CAAP1: variants seen among roughly 807,000 people sequenced by gnomAD.
CAAP1 encodes the protein conserved anti-apoptotic protein.
CAAP1 carries 20 observed loss-of-function variants against 34.0 expected under a neutral mutation model. That is an observed-to-expected ratio of 0.59 (90% CI 0.41 to 0.86). The LOEUF is 0.86. Among genes scored for constraint, CAAP1 ranks in the 40% least tolerant of loss-of-function variants. CAAP1 has a pLI of 0.00. For missense variants in CAAP1, 538 were observed against 450.5 expected (o/e 1.19, Z -1.76); for synonymous variants, 213 against 166.7 (o/e 1.28, Z -2.14).
At chr9:26,886,926 T>C (rs571637426) in intron 2 of CAAP1, among the ~76,000 whole-genome samples, 2 of 152,244 alleles carry the variant, frequency 1.3e-5, no homozygotes, top group South Asian at 4.1e-4. Context: ...AATTAAAAAC[T>C]GCATTAACGC....
In CAAP1 at chr9:26,892,185, A is replaced by T. The variant is rs191265248; in HGVS notation, c.303+228T>A. 5,836 of 1,116,048 alleles carry T rather than the reference A, an allele frequency of 5.2e-3. 173 individuals carry two copies. The African/African-American group carries it at 0.074, about 14-fold the overall frequency. 69.1% of individuals were successfully genotyped at this position (1,116,048 alleles called of 1,614,324 possible). A position where few individuals can be genotyped will look rare whatever the true frequency, so the allele number is the denominator to read the frequency against. ...GAGCCAAGAGTTTAAAAAATAAATT[A>T]AAAAAAAAGTGATCAGGAAATCCAG... On this transcript the variant is annotated intron_variant, in intron 1 of 5. Coordinates refer to ENST00000333916, the MANE Select transcript of CAAP1 (RefSeq NM_024828.4).
chr9:26,847,896 C>T (rs1459791448), intron 5 of CAAP1, among the ~76,000 whole-genome samples: 1 of 151,982 alleles, frequency 6.6e-6, no homozygotes, highest in Non-Finnish European at 1.5e-5. Flanking sequence ...CCTCTTCTGT[C>T]ACTTCAGTGG....
intron 4 of CAAP1, among the ~76,000 whole-genome samples, chr9:26,881,483 T>C (rs1366924447): frequency 6.6e-6 from 1 of 152,166 alleles, no homozygotes; most frequent in Non-Finnish European, 1.5e-5. Flanking sequence ...CAAGATCTGA[T>C]GGTTTTATAA....
At position 26,847,198 on chromosome 9, in the gene CAAP1, A is replaced by ATTTTTTTTTTTTTTTTT. The variant is rs1171628621; in HGVS notation, c.740-4568_740-4552dup. On this transcript the variant is annotated intron_variant, in intron 5 of 5. Coordinates refer to ENST00000333916, the MANE Select transcript of CAAP1 (RefSeq NM_024828.4). ...TTTTTACTAGTAAGTAAAAAGCAAT[A>ATTTTTTTTTTTTTTTTT]TTTTTTTTTTTTTTTTTTTTTTTTT... Among the ~76,000 whole-genome samples, 33 of 34,750 alleles carry ATTTTTTTTTTTTTTTTT rather than the reference A, an allele frequency of 9.5e-4. 12 individuals are homozygous for ATTTTTTTTTTTTTTTTT. Among genetic ancestry groups the ATTTTTTTTTTTTTTTTT allele is most frequent in the Non-Finnish European group, 1.3e-3 (27 of 20,062 alleles). The allele number at this position is 34,750 out of a possible 152,430, so 22.8% of individuals were successfully genotyped here. A position where few individuals can be genotyped will look rare whatever the true frequency, so the allele number is the denominator to read the frequency against.
intron 5 of CAAP1, among the ~76,000 whole-genome samples, chr9:26,856,128 A>AGG (rs11373747): frequency 0.011 from 1,640 of 145,946 alleles, 21 homozygotes; most frequent in African/African-American, 0.027. Flanking sequence ...TTTTTTTAAA[A>AGG]GGGGGGGGGT....
At chr9:26,864,637 T>C (rs1258206382) in intron 4 of CAAP1, among the ~76,000 whole-genome samples, 1 of 152,204 alleles carries the variant, frequency 6.6e-6, no homozygotes, top group African/African-American at 2.4e-5. Flanking sequence ...TGAATAGGCA[T>C]TTTCCTAAAT....
At chr9:26,874,273 A>G (rs12343057) in intron 4 of CAAP1, among the ~76,000 whole-genome samples, 6,310 of 150,630 alleles carry the variant, frequency 0.042, 456 homozygotes, top group African/African-American at 0.15. Flanking sequence ...TTATTTATGG[A>G]GTATATGTGA....
chr9:26,874,131 C>T (rs928343509), intron 4 of CAAP1, among the ~76,000 whole-genome samples: 2 of 142,828 alleles, frequency 1.4e-5, no homozygotes, highest in Non-Finnish European at 3.0e-5. Context: ...GGCGTGAACC[C>T]GGGAGGTGGA....
intron 2 of CAAP1, 38 bp from the exon 3 acceptor site, chr9:26,886,226 A>G (rs919467995): frequency 3.8e-6 from 4 of 1,061,476 alleles, no homozygotes; most frequent in Non-Finnish European, 5.2e-6. Flanking sequence ...GCATTTATGT[A>G]ACACAGCCCC....
chr9:26,884,203 T>C (rs985574559), intron 4 of CAAP1, among the ~76,000 whole-genome samples: 1 of 152,182 alleles, frequency 6.6e-6, no homozygotes, highest in African/African-American at 2.4e-5. Context: ...ATAGCATCAA[T>C]AGATGCTCAA....
intron 5 of CAAP1, among the ~76,000 whole-genome samples, chr9:26,853,199 G>T (rs1241388378): frequency 1.3e-5 from 2 of 152,172 alleles, no homozygotes; most frequent in African/African-American, 4.8e-5. Context: ...GATCAGGATG[G>T]AGATGAAGGA....
At chr9:26,856,189 C>T (rs766211096) in intron 5 of CAAP1, among the ~76,000 whole-genome samples, 4 of 152,020 alleles carry the variant, frequency 2.6e-5, no homozygotes, top group African/African-American at 4.8e-5. Flanking sequence ...TTTGTGCTTG[C>T]ATGTCTTTAG....
intron 4 of CAAP1, among the ~76,000 whole-genome samples, chr9:26,881,009 A>T (rs1823581947): frequency 6.6e-6 from 1 of 152,112 alleles, no homozygotes; most frequent in Non-Finnish European, 1.5e-5. Context: ...CTTAAATCCT[A>T]TTCCATAACT....
Position 26,861,077 on chromosome 9 carries a change from T to A in CAAP1, c.728A>T (p.Glu243Val), listed in dbSNP as rs765787591. ...VRENKQPEGL[E>V]LKQGKGEDSD... ...TACTTGGTTCATACCTTGTTTTAATTCCAAACCTTCAGGTTGCTTATTCTC... is the reference window on the plus strand; with the variant it reads ...TACTTGGTTCATACCTTGTTTTAATACCAAACCTTCAGGTTGCTTATTCTC... The change falls in exon 5 of 6, where the codon GAA becomes GTA. Residue 243 changes from glutamate to valine, a missense_variant. Around this residue, in one of 3 missense-constraint regions of CAAP1, gnomAD observed 514 missense variants for 408.4 expected, o/e 1.26. Transcript: ENST00000333916. 1 of 1,608,010 alleles carries A rather than the reference T, an allele frequency of 6.2e-7. No homozygotes were observed. Among genetic ancestry groups the A allele is most frequent in the Admixed American group, 1.7e-5 (1 of 59,974 alleles).
intron 1 of CAAP1, among the ~76,000 whole-genome samples, chr9:26,890,657 A>G (rs1042914494): frequency 1.3e-5 from 2 of 151,644 alleles, no homozygotes; most frequent in Non-Finnish European, 2.9e-5. Flanking sequence ...ACATATACAT[A>G]AAAGTTGGCC....
intron 4 of CAAP1, among the ~76,000 whole-genome samples, chr9:26,868,863 G>T (rs568247105): frequency 6.6e-6 from 1 of 152,322 alleles, no homozygotes; most frequent in African/African-American, 2.4e-5. Flanking sequence ...TAAATGCAAT[G>T]TGTACTCTTG....
chr9:26,880,094 CGGGG>C, intron 4 of CAAP1: 1 of 148,024 alleles, frequency 6.8e-6, no homozygotes, highest in South Asian at 1.4e-4. Flanking sequence ...GAAAAAAATC[CGGGG>C]GGGGGGGGTC....
chr9:26,846,979 G>A (rs900779266), intron 5 of CAAP1, among the ~76,000 whole-genome samples: 5 of 151,976 alleles, frequency 3.3e-5, no homozygotes, highest in Middle Eastern at 3.4e-3. Flanking sequence ...GAGCCACTGC[G>A]CCCGGCCAAT....
Position 26,842,650 on chromosome 9 carries a change from G to A in CAAP1, c.740-3C>T, listed in dbSNP as rs763004754. 1.3e-6 allele frequency: 2 copies of A among 1,575,638 alleles called. No individual in the cohort carries two copies. The highest frequency in any genetic ancestry group is 2.4e-5 in the South Asian group (2 of 84,864). ...TACATCACTATCTTCCCCTTTTCCT[G>A]TAACCAAAAAAGGAGAAAGATCCAT... On this transcript the variant is annotated splice_region_variant and splice_polypyrimidine_tract_variant and intron_variant, in intron 5 of 5. Transcript: ENST00000333916.
Sources: gnomAD v4.1 joint callset for allele counts (sites outside exome capture counted in the v4.1 genomes callset) on GRCh38, gnomAD v4.1.1 for gene constraint, gnomAD v4.1.1 regional missense constraint, MANE v1.5 for transcripts, NCBI Gene and HGNC (gene_info 2026-07-23, HGNC 2026-07-21) for gene names.